The following GRIK4 variants were observed in gnomAD, a reference collection of about 807,000 sequenced individuals.
GRIK4 encodes glutamate ionotropic receptor kainate type subunit 4, also known as glutamate receptor ionotropic, kainate 4.
In GRIK4, 40 loss-of-function variants were observed where a neutral mutation model predicts 104.9. That is an observed-to-expected ratio of 0.38 (90% confidence interval 0.30 to 0.50). The LOEUF is 0.50. GRIK4 is among the 20% of genes least tolerant of loss of function. The probability of loss-of-function intolerance (pLI) is 0.93; values close to 1 mark genes in which losing one functional copy is unlikely to be tolerated. For synonymous variants in GRIK4, 485 were observed against 524.9 expected, an observed-to-expected ratio of 0.92 and a Z score of 1.04; for missense variants, 1,047 against 1,308.1, an observed-to-expected ratio of 0.80 and a Z score of 3.08.
chr11:120,917,442 C>T (rs1943135192), intron 13 of GRIK4, among the ~76,000 whole-genome samples: 1 of 151,934 alleles, frequency 6.6e-6, no homozygotes, highest in Non-Finnish European at 1.5e-5. Flanking sequence ...AGCTTACAGA[C>T]CGGGCGGTAA....
intron 3 of GRIK4, among the ~76,000 whole-genome samples, chr11:120,683,154 G>A (rs17124179): frequency 0.013 from 2,022 of 152,242 alleles, 48 homozygotes; most frequent in African/African-American, 0.046. Flanking sequence ...TGCATGAACC[G>A]ATAGATGAAT....
At chr11:120,725,479 A>G (rs1951013191) in intron 3 of GRIK4, among the ~76,000 whole-genome samples, 1 of 152,200 alleles carries the variant, frequency 6.6e-6, no homozygotes. Context: ...TCTCAAATCC[A>G]TCTCCCTGAC....
rs530799224 is a variant in GRIK4 at position 120,687,541 on chromosome 11, GT to G, written c.82+27147del. Among the ~76,000 whole-genome samples the G allele has an allele frequency of 1.3e-3, 203 of 151,980 alleles. 4 individuals carry two copies. The Middle Eastern group carries it at 0.017, about 13-fold the overall frequency. On this transcript the variant is annotated intron_variant, in intron 3 of 20. Coordinates refer to ENST00000527524, the MANE Select transcript of GRIK4 (RefSeq NM_014619.5). Reference sequence around the variant, plus strand: ...TCTGTTTCTATTGTGTGTTGTTGTTGTTTTTTCCCTCTTAGATTTTGGCCAT... The same window carrying G: ...TCTGTTTCTATTGTGTGTTGTTGTTGTTTTTCCCTCTTAGATTTTGGCCAT...
At chr11:120,651,582 C>T (rs1329462517) in intron 1 of GRIK4, among the ~76,000 whole-genome samples, 2 of 152,212 alleles carry the variant, frequency 1.3e-5, no homozygotes, top group Non-Finnish European at 2.9e-5. Context: ...GCTCAGGGAA[C>T]GTCCTCCCCT....
intron 13 of GRIK4, among the ~76,000 whole-genome samples, chr11:120,912,513 A>G (rs939607976): frequency 1.3e-5 from 2 of 152,214 alleles, no homozygotes; most frequent in African/African-American, 4.8e-5. Flanking sequence ...AAGGAAGTAC[A>G]GAAGAACATT....
At chr11:120,966,672 G>A (rs970981113) in intron 18 of GRIK4, among the ~76,000 whole-genome samples, 2 of 152,138 alleles carry the variant, frequency 1.3e-5, no homozygotes, top group South Asian at 2.1e-4. Context: ...GTGCCTGGCT[G>A]TGAGAAATTA....
intron 3 of GRIK4, among the ~76,000 whole-genome samples, chr11:120,752,682 A>G (rs1204344022): frequency 6.6e-6 from 1 of 152,062 alleles, no homozygotes; most frequent in African/African-American, 2.4e-5. Context: ...GGGAGGAGGG[A>G]GCACACAGCT....
chr11:120,944,497 G>T (rs1943809379), intron 14 of GRIK4, among the ~76,000 whole-genome samples: 1 of 152,132 alleles, frequency 6.6e-6, no homozygotes, highest in African/African-American at 2.4e-5. Flanking sequence ...TCAGGCAATG[G>T]AATTTCCATC....
At chr11:120,592,794 G>A (rs972148803) in intron 1 of GRIK4, among the ~76,000 whole-genome samples, 6 of 152,184 alleles carry the variant, frequency 3.9e-5, no homozygotes, top group East Asian at 1.9e-4. Context: ...GGGGCTGGCC[G>A]TCCGCATGTC....
intron 1 of GRIK4, among the ~76,000 whole-genome samples, chr11:120,515,203 A>G (rs535244713): frequency 2.5e-4 from 38 of 151,970 alleles, no homozygotes; most frequent in African/African-American, 8.7e-4. Context: ...CCTCCCATCC[A>G]TATATTGCCC....
intron 1 of GRIK4, among the ~76,000 whole-genome samples, chr11:120,621,011 A>C (rs1949180695): frequency 6.6e-6 from 1 of 152,040 alleles, no homozygotes; most frequent in South Asian, 2.1e-4. Flanking sequence ...AGTCAGCCTG[A>C]CTCCAAAACC....
chr11:120,520,602 G>C (rs1443467263), intron 1 of GRIK4, among the ~76,000 whole-genome samples: 1 of 152,186 alleles, frequency 6.6e-6, no homozygotes, highest in Non-Finnish European at 1.5e-5. Context: ...GTTAAAAGCA[G>C]TCCTGCCCCC....
At chr11:120,836,936 G>A (rs1268959219) in intron 8 of GRIK4, 92 bp downstream of exon 8, 3 of 789,216 alleles carry the variant, frequency 3.8e-6, no homozygotes, top group Admixed American at 2.0e-5. Flanking sequence ...AGGGGATGAC[G>A]AGTACAGGAG....
intron 11 of GRIK4, among the ~76,000 whole-genome samples, chr11:120,879,175 C>A (rs902603668): frequency 6.6e-6 from 1 of 152,192 alleles, no homozygotes; most frequent in African/African-American, 2.4e-5. Flanking sequence ...TGGCAAAGCC[C>A]GTGCTCTCGG....
At chr11:120,870,134 G>T (rs1483409266) in intron 9 of GRIK4, 1 of 152,208 alleles carries the variant, frequency 6.6e-6, no homozygotes, top group Admixed American at 6.5e-5. Context: ...ATGGCTCATT[G>T]TTTCAGTGGG....
chr11:120,573,248 T>A (rs112364806), intron 1 of GRIK4, among the ~76,000 whole-genome samples: 1,981 of 152,284 alleles, frequency 0.013, 42 homozygotes, highest in African/African-American at 0.042. Context: ...ATAAAGTTAA[T>A]CCTGCCATTG....
chr11:120,821,572 T>C (rs2135546419), intron 6 of GRIK4, among the ~76,000 whole-genome samples: 1 of 152,344 alleles, frequency 6.6e-6, no homozygotes, highest in East Asian at 1.9e-4. Context: ...GTTCTCATCA[T>C]GGGTGTGCCC....
intron 1 of GRIK4, among the ~76,000 whole-genome samples, chr11:120,600,257 C>T (rs1046672802): frequency 2.6e-5 from 4 of 152,140 alleles, no homozygotes; most frequent in Admixed American, 6.5e-5. Context: ...GGCTTCTCAG[C>T]GTGGCTGATT....
intron 3 of GRIK4, among the ~76,000 whole-genome samples, chr11:120,753,480 C>T (rs940750651): frequency 1.3e-5 from 2 of 152,232 alleles, no homozygotes; most frequent in East Asian, 1.9e-4. Context: ...CTTCAGTTTC[C>T]TTTTCTGTAA....
Sources: gnomAD v4.1 joint callset for allele counts (sites outside exome capture counted in the v4.1 genomes callset) on GRCh38, gnomAD v4.1.1 for gene constraint, MANE v1.5 for transcripts, NCBI Gene and HGNC (gene_info 2026-07-23, HGNC 2026-07-21) for gene names.